Variants in SOX5 observed in about 807,000 individuals in gnomAD.
SOX5 encodes SRY-box transcription factor 5.
Under a neutral mutation model 92.0 loss-of-function variants are expected in SOX5, and 9 were observed. The ratio of observed to expected loss-of-function variants is 0.10; its 90% CI spans 0.06 to 0.17. The LOEUF is 0.17. Ranked by LOEUF, SOX5 falls within the 10% of genes least tolerant of loss-of-function variation. SOX5 has a pLI of 1.00. For synonymous variants in SOX5, 344 were observed against 336.3 expected, an observed-to-expected ratio of 1.02 and a Z score of -0.25; for missense variants, 642 against 944.5, an observed-to-expected ratio of 0.68 and a Z score of 4.20.
intron 4 of SOX5, among the ~76,000 whole-genome samples, chr12:24,015,337 T>G (rs1205094053): frequency 2.6e-5 from 4 of 152,030 alleles, no homozygotes; most frequent in Non-Finnish European, 5.9e-5. Flanking sequence ...TAGCTGCAAT[T>G]TACAATGAAG....
chr12:24,124,915 G>A (rs1948966667), intron 4 of SOX5, among the ~76,000 whole-genome samples: 1 of 152,080 alleles, frequency 6.6e-6, no homozygotes, highest in South Asian at 2.1e-4. Flanking sequence ...TTTTCCTCCA[G>A]ATTCCATTCT....
At chr12:24,404,544 T>C (rs1962484572) in intron 1 of SOX5, among the ~76,000 whole-genome samples, 1 of 152,220 alleles carries the variant, frequency 6.6e-6, no homozygotes, top group Non-Finnish European at 1.5e-5. Flanking sequence ...TAAGAGCTTT[T>C]TCCTAGATGG....
Position 24,393,060 on chromosome 12 carries a change from G to C in SOX5, c.-250-24421C>G, listed in dbSNP as rs1309039123. 1.3e-5 allele frequency among the ~76,000 whole-genome samples: 2 copies of C among 152,110 alleles called. No individual in the cohort carries two copies. Among genetic ancestry groups the C allele is most frequent in the African/African-American group, 4.8e-5 (2 of 41,426 alleles). ...AGGCTTCAATCTTGAGTGTGTGGGG[G>C]CATAAGTATTTTTTTCTTTTCTATC... On this transcript the variant is annotated intron_variant, in intron 1 of 4. Coordinates refer to the SOX5 transcript ENST00000446891. The surrounding 1 kb of genome is among the most constrained non-coding windows in gnomAD (Gnocchi z 5.0).
At chr12:24,360,494 T>C (rs919322294) in intron 2 of SOX5, among the ~76,000 whole-genome samples, 3 of 152,190 alleles carry the variant, frequency 2.0e-5, no homozygotes, top group African/African-American at 7.2e-5. Context: ...ACTAGGTAAC[T>C]GAACAGGAGT....
intron 1 of SOX5, among the ~76,000 whole-genome samples, chr12:24,549,579 T>C (rs914517847): frequency 6.6e-6 from 1 of 152,230 alleles, no homozygotes; most frequent in Non-Finnish European, 1.5e-5. Flanking sequence ...TGCACTGGCA[T>C]GGCTTCTGTA....
intron 6 of SOX5, among the ~76,000 whole-genome samples, chr12:23,710,388 C>G (rs1040232228): frequency 6.6e-6 from 1 of 152,106 alleles, no homozygotes. Flanking sequence ...TTTCCCTCCC[C>G]GCTTCCCCTA....
intron 8 of SOX5, among the ~76,000 whole-genome samples, chr12:23,633,016 TA>T (rs2078752316): frequency 6.6e-6 from 1 of 152,142 alleles, no homozygotes; most frequent in Admixed American, 6.6e-5. Context: ...GCTACTTGCT[TA>T]TTTTGAATTA....
At chr12:23,739,737 A>G (rs2093728126) in intron 5 of SOX5, among the ~76,000 whole-genome samples, 1 of 152,188 alleles carries the variant, frequency 6.6e-6, no homozygotes, top group South Asian at 2.1e-4. Context: ...CCTATCCCCG[A>G]TATTAACATG....
intron 4 of SOX5, among the ~76,000 whole-genome samples, chr12:24,015,604 C>T (rs911868939): frequency 2.6e-5 from 4 of 152,148 alleles, no homozygotes; most frequent in Admixed American, 1.3e-4. Flanking sequence ...CGCTAATACA[C>T]TGTATATACT....
At chr12:23,781,219 T>A (rs899206225) in intron 3 of SOX5, among the ~76,000 whole-genome samples, 1 of 151,990 alleles carries the variant, frequency 6.6e-6, no homozygotes, top group African/African-American at 2.4e-5. Context: ...ACTTCCTTTC[T>A]TTCATGCTTT....
intron 9 of SOX5, among the ~76,000 whole-genome samples, chr12:23,579,549 TATTA>T (rs1470879682): frequency 6.6e-6 from 1 of 152,212 alleles, no homozygotes; most frequent in African/African-American, 2.4e-5. Flanking sequence ...TCCCATTTTC[TATTA>T]ATTATTTTTC....
At chr12:24,383,676 G>A (rs774008313) in intron 1 of SOX5, among the ~76,000 whole-genome samples, 53 of 152,224 alleles carry the variant, frequency 3.5e-4, no homozygotes, top group Non-Finnish European at 4.4e-4. Flanking sequence ...CCATGCTTCT[G>A]TTCAAGAAAC....
chr12:24,406,817 C>T (rs2136714506), intron 1 of SOX5, among the ~76,000 whole-genome samples: 1 of 152,270 alleles, frequency 6.6e-6, no homozygotes, highest in African/African-American at 2.4e-5. Context: ...ACCTGCCACC[C>T]TTCTCCAATG....
At chr12:24,428,858 A>T (rs2137027070) in intron 1 of SOX5, among the ~76,000 whole-genome samples, 1 of 150,380 alleles carries the variant, frequency 6.6e-6, no homozygotes. Flanking sequence ...CGGTTAATGG[A>T]TTATGTGTAT....
At chr12:24,353,391 T>A (rs1954360767) in intron 2 of SOX5, among the ~76,000 whole-genome samples, 1 of 152,174 alleles carries the variant, frequency 6.6e-6, no homozygotes, top group Non-Finnish European at 1.5e-5. Context: ...TACACACTTT[T>A]TTCAAGAGTG....
intron 3 of SOX5, among the ~76,000 whole-genome samples, chr12:23,797,420 C>A (rs1327225433): frequency 6.6e-6 from 1 of 151,916 alleles, no homozygotes; most frequent in African/African-American, 2.4e-5. Context: ...ATGATGAGAC[C>A]ACTGAGTCAC....
At chr12:24,354,671 A>T (rs1954571989) in intron 2 of SOX5, among the ~76,000 whole-genome samples, 1 of 152,226 alleles carries the variant, frequency 6.6e-6, no homozygotes, top group Non-Finnish European at 1.5e-5. Context: ...GGGCAAAATC[A>T]ACCCAGGATA....
intron 2 of SOX5, among the ~76,000 whole-genome samples, chr12:23,858,709 G>A (rs1204067259): frequency 6.6e-6 from 1 of 152,074 alleles, no homozygotes; most frequent in Non-Finnish European, 1.5e-5. Context: ...ATACCCAGAG[G>A]AATATAAGGC....
chr12:23,940,418 A>T (rs1943401525), intron 1 of SOX5, among the ~76,000 whole-genome samples: 2 of 151,234 alleles, frequency 1.3e-5, no homozygotes, highest in African/African-American at 4.8e-5. Context: ...GGCTATAGAG[A>T]TAATCTCCAA....
Sources: allele counts gnomAD v4.1 joint callset (sites outside exome capture counted in the v4.1 genomes callset), GRCh38; gene constraint gnomAD v4.1.1; non-coding constraint Gnocchi (gnomAD v3.1); transcripts MANE v1.5; gene names NCBI Gene and HGNC (gene_info 2026-07-23, HGNC 2026-07-21).